NRXN1: variants seen among roughly 807,000 people sequenced by gnomAD.
NRXN1 encodes neurexin-1.
In NRXN1, 39 loss-of-function variants were observed where a neutral mutation model predicts 150.9. That is an observed-to-expected ratio of 0.26 (90% confidence interval 0.20 to 0.34). The LOEUF is 0.34. Ranked by LOEUF, NRXN1 falls within the 10% of genes least tolerant of loss-of-function variation. NRXN1 has a pLI of 1.00. For missense variants in NRXN1, 1,815 were observed against 1,949.9 expected, an observed-to-expected ratio of 0.93 and a Z score of 1.30; for synonymous variants, 924 against 757.0, an observed-to-expected ratio of 1.22 and a Z score of -3.62.
chr2:50,459,739 T>C (rs1437241263), intron 17 of NRXN1, among the ~76,000 whole-genome samples: 2 of 152,188 alleles, frequency 1.3e-5, no homozygotes, highest in Non-Finnish European at 2.9e-5. Context: ...TTTGTACTTA[T>C]TTGGTATTGT....
chr2:50,705,282 A>G (rs951093095), intron 5 of NRXN1, among the ~76,000 whole-genome samples: 2 of 152,196 alleles, frequency 1.3e-5, no homozygotes, highest in Admixed American at 6.6e-5. Context: ...CAATTGGTCC[A>G]TATTTTATCA....
rs138680005 is a variant in NRXN1 at position 51,005,347 on chromosome 2, T to A, written c.772+22155A>T. Among the ~76,000 whole-genome samples the A allele has an allele frequency of 2.8e-3, 428 of 152,158 alleles. 3 individuals are homozygous for A. The highest frequency in any genetic ancestry group is 9.6e-3 in the African/African-American group (400 of 41,568). On this transcript the variant is annotated intron_variant, in intron 2 of 22. Transcript: ENST00000401669. ...TATGAGATATATACTGATATTTCTA[T>A]ATGTTTTATGTACAATGATGAGCTC... is the stretch of plus-strand genomic sequence containing the variant.
At chr2:50,188,131 G>A (rs1310322600) in intron 18 of NRXN1, among the ~76,000 whole-genome samples, 1 of 151,924 alleles carries the variant, frequency 6.6e-6, no homozygotes, top group African/African-American at 2.4e-5. Flanking sequence ...AAGAGTACAA[G>A]GCTACAGTAA....
At chr2:50,465,314 G>T in intron 17 of NRXN1, 128 bp downstream of exon 17, 2 of 808,642 alleles carry the variant, frequency 2.5e-6, no homozygotes, top group Non-Finnish European at 3.4e-6. Context: ...AGAAACAACT[G>T]CTTCTATGGG....
At chr2:50,824,327 A>G (rs1408975561) in intron 5 of NRXN1, among the ~76,000 whole-genome samples, 2 of 134,708 alleles carry the variant, frequency 1.5e-5, no homozygotes, top group Non-Finnish European at 3.3e-5. Flanking sequence ...TGTGTGTGTG[A>G]AAAATAGATA....
intron 5 of NRXN1, among the ~76,000 whole-genome samples, chr2:50,637,155 T>G (rs1392573832): frequency 6.6e-6 from 1 of 152,156 alleles, no homozygotes; most frequent in Admixed American, 6.6e-5. Context: ...TATTCTGTTA[T>G]GCTGCATTTT....
At chr2:50,486,217 T>A (rs936341196) in intron 15 of NRXN1, among the ~76,000 whole-genome samples, 1 of 152,146 alleles carries the variant, frequency 6.6e-6, no homozygotes, top group African/African-American at 2.4e-5. Context: ...GCCCTTAACA[T>A]GATGCATGAC....
At chr2:50,924,345 T>C (rs1574945187) in intron 3 of NRXN1, among the ~76,000 whole-genome samples, 1 of 151,654 alleles carries the variant, frequency 6.6e-6, no homozygotes, top group East Asian at 1.9e-4. Flanking sequence ...ACAGACTTTA[T>C]TACAATAGCT....
intron 5 of NRXN1, among the ~76,000 whole-genome samples, chr2:50,899,431 G>A (rs1442023625): frequency 6.6e-6 from 1 of 152,038 alleles, no homozygotes; most frequent in African/African-American, 2.4e-5. Context: ...CAATTTTAGG[G>A]ACACCCTCTG....
intron 5 of NRXN1, among the ~76,000 whole-genome samples, chr2:50,627,766 A>G (rs921654090): frequency 6.6e-6 from 1 of 151,750 alleles, no homozygotes; most frequent in Non-Finnish European, 1.5e-5. Context: ...ATTATTAAGA[A>G]AGCGAGGCTC....
At chr2:50,601,081 AT>A (rs1448672311) in intron 8 of NRXN1, among the ~76,000 whole-genome samples, 1 of 152,060 alleles carries the variant, frequency 6.6e-6, no homozygotes, top group Non-Finnish European at 1.5e-5. Context: ...CAAAAAAAAA[AT>A]AATAATAATT....
intron 15 of NRXN1, among the ~76,000 whole-genome samples, 183 bp downstream of exon 15, chr2:50,495,722 A>G (rs574727792): frequency 6.6e-6 from 1 of 152,156 alleles, no homozygotes; most frequent in Admixed American, 6.5e-5. Context: ...TTAAAAATAC[A>G]TAGGTTCCTA....
intron 17 of NRXN1, among the ~76,000 whole-genome samples, chr2:50,402,707 G>A (rs2082472441): frequency 6.6e-6 from 1 of 152,120 alleles, no homozygotes; most frequent in Non-Finnish European, 1.5e-5. Flanking sequence ...GCAGTGGGAC[G>A]AATGGGGGAA....
intron 18 of NRXN1, among the ~76,000 whole-genome samples, chr2:50,120,331 C>T (rs1003979417): frequency 6.6e-6 from 1 of 152,034 alleles, no homozygotes; most frequent in Non-Finnish European, 1.5e-5. Context: ...TATGCACACA[C>T]ACCAACATGC....
chr2:50,736,044 C>G (rs1275652093), intron 5 of NRXN1, among the ~76,000 whole-genome samples: 1 of 152,146 alleles, frequency 6.6e-6, no homozygotes, highest in African/African-American at 2.4e-5. Context: ...TAAAAACAAA[C>G]TCTTTAATAT....
intron 5 of NRXN1, among the ~76,000 whole-genome samples, chr2:50,791,672 C>T (rs1046294617): frequency 2.5e-4 from 38 of 152,138 alleles, no homozygotes; most frequent in African/African-American, 8.9e-4. Flanking sequence ...AATTCCTCTG[C>T]AGCGTATTCA....
chr2:50,178,956 TA>T (rs1436378546), intron 18 of NRXN1, among the ~76,000 whole-genome samples: 1 of 152,094 alleles, frequency 6.6e-6, no homozygotes, highest in East Asian at 1.9e-4. Context: ...GTGCTCTTTG[TA>T]AAGAGAAATA....
intron 5 of NRXN1, among the ~76,000 whole-genome samples, chr2:50,885,987 C>T (rs767155119): frequency 6.6e-6 from 1 of 151,306 alleles, no homozygotes; most frequent in Non-Finnish European, 1.5e-5. Flanking sequence ...ACCCCACAGA[C>T]TAAGTATAAA....
chr2:50,472,498 C>A, intron 15 of NRXN1, 27 bp from the exon 16 acceptor site: 2 of 1,588,708 alleles, frequency 1.3e-6, no homozygotes, highest in Non-Finnish European at 1.7e-6. Context: ...GTCTTTGTTA[C>A]AAAAGTACCA....
Sources: gnomAD v4.1 joint callset for allele counts (sites outside exome capture counted in the v4.1 genomes callset) on GRCh38, gnomAD v4.1.1 for gene constraint, MANE v1.5 for transcripts, NCBI Gene and HGNC (gene_info 2026-07-23, HGNC 2026-07-21) for gene names.